The following ADAMTS8 variants were observed in gnomAD, a reference collection of about 807,000 sequenced individuals.
ADAMTS8 encodes the protein ADAM metallopeptidase with thrombospondin type 1 motif 8, also known as A disintegrin and metalloproteinase with thrombospondin motifs 8.
In ADAMTS8, 50 loss-of-function variants were observed where a neutral mutation model predicts 64.4. The ratio of observed to expected loss-of-function variants is 0.78; its 90% CI spans 0.62 to 0.98. The LOEUF (loss-of-function observed/expected upper bound fraction) is 0.98, where lower values mean the gene tolerates loss of function less well. Ranked by LOEUF, ADAMTS8 falls within the 50% of genes least tolerant of loss-of-function variation. The pLI, the probability that ADAMTS8 is intolerant of heterozygous loss-of-function variation, is 0.00. For missense variants in ADAMTS8, 1,192 were observed against 1,208.2 expected, an observed-to-expected ratio of 0.99 and a Z score of 0.20; for synonymous variants, 556 against 533.6, an observed-to-expected ratio of 1.04 and a Z score of -0.58.
chr11:130,414,770 T>C lies in ADAMTS8; in HGVS notation c.1327A>G (p.Met443Val). ...LPLPTGLPGRMALYQLDQQCR... is the reference protein window; with the variant it reads ...LPLPTGLPGRVALYQLDQQCR... ...TGCTGGTCCAGCTGGTACAGGGCCA[T>C]GCGGCCCGGGAGGCCTGTGGGGAGG... Residue 443 changes from methionine to valine, a missense_variant, in exon 5 of 9, where the codon ATG becomes GTG. Transcript: ENST00000257359. The C allele has an allele frequency of 1.9e-6, 3 of 1,613,326 alleles. No homozygotes were observed. Among genetic ancestry groups the C allele is most frequent in the Non-Finnish European group, 1.7e-6 (2 of 1,179,982 alleles).
chr11:130,424,852 G>T (rs551096881), intron 1 of ADAMTS8, among the ~76,000 whole-genome samples: 1 of 152,074 alleles, frequency 6.6e-6, no homozygotes, highest in Non-Finnish European at 1.5e-5. Flanking sequence ...TCCCCCACCC[G>T]CCACGGTGGC....
chr11:130,413,117 C>T (rs1191908680), intron 5 of ADAMTS8, among the ~76,000 whole-genome samples: 7 of 152,076 alleles, frequency 4.6e-5, no homozygotes, highest in South Asian at 4.1e-4. Flanking sequence ...GTGATCCACC[C>T]GCCTCGGCCT....
intron 2 of ADAMTS8, among the ~76,000 whole-genome samples, chr11:130,418,228 A>G (rs1862053337): frequency 7.1e-6 from 1 of 141,764 alleles, no homozygotes; most frequent in African/African-American, 3.1e-5. Context: ...TAAAATACAA[A>G]GGCTATCAAG....
chr11:130,417,158 C>A (rs1408464366), intron 2 of ADAMTS8, 83 bp from the exon 3 acceptor site: 4 of 1,576,636 alleles, frequency 2.5e-6, no homozygotes, highest in Non-Finnish European at 3.5e-6. Context: ...GTGTGGCCAG[C>A]GTGCACGTGG....
In ADAMTS8 at chr11:130,414,759, G is replaced by A. The variant is rs772064060; in HGVS notation, c.1338C>T (p.Tyr446=). ...PTGLPGRMAL[Y]QLDQQCRQIF... is the part of the protein sequence containing the mutation. ...TCTGCCTGCACTGCTGGTCCAGCTGGTACAGGGCCATGCGGCCCGGGAGGC... is the reference window on the plus strand; with the variant it reads ...TCTGCCTGCACTGCTGGTCCAGCTGATACAGGGCCATGCGGCCCGGGAGGC... The change falls in exon 5 of 9, where the codon TAC becomes TAT. Residue 446 remains tyrosine, a synonymous_variant. Transcript: ENST00000257359. 3 of 1,613,506 alleles carry A rather than the reference G, an allele frequency of 1.9e-6. No homozygotes were observed. The highest frequency in any genetic ancestry group is 1.7e-6 in the Non-Finnish European group (2 of 1,180,022).
At chr11:130,422,207 A>G (rs555467832) in intron 1 of ADAMTS8, among the ~76,000 whole-genome samples, 2 of 152,280 alleles carry the variant, frequency 1.3e-5, no homozygotes, top group East Asian at 1.9e-4. Context: ...TGGAAGGCCA[A>G]GGTGGGAGAA....
chr11:130,415,311 A>G (rs1035245066), intron 4 of ADAMTS8, among the ~76,000 whole-genome samples: 1 of 150,140 alleles, frequency 6.7e-6, no homozygotes, highest in African/African-American at 2.4e-5. Context: ...CTGAGAAGCA[A>G]TTTTTTTTTT....
At position 130,414,800 on chromosome 11, in the gene ADAMTS8, G is replaced by T; in HGVS notation, c.1297C>A (p.Leu433Met). ...CCCGGGAGGCCTGTGGGGAGGGGCA[G>T]GGCCGCAGCAGGGGCATCCAGGAGA... ...DCLLDAPAAA[L>M]PLPTGLPGRM... Residue 433 changes from leucine to methionine, a missense_variant, in exon 5 of 9, where the codon CTG becomes ATG. Around this residue, in one of 5 missense-constraint regions of ADAMTS8, gnomAD observed 741 missense variants for 710.6 expected, o/e 1.04. Coordinates refer to ENST00000257359, the MANE Select transcript of ADAMTS8 (RefSeq NM_007037.6). The T allele has an allele frequency of 6.2e-7, 1 of 1,611,710 alleles. No individual in the cohort carries two copies. The highest frequency in any genetic ancestry group is 8.5e-7 in the Non-Finnish European group (1 of 1,178,946).
chr11:130,423,807 C>T (rs1862129786), intron 1 of ADAMTS8, among the ~76,000 whole-genome samples: 1 of 152,188 alleles, frequency 6.6e-6, no homozygotes, highest in South Asian at 2.1e-4. Flanking sequence ...CGGGTTCACA[C>T]AGGGGACACT....
rs1862201543 is a variant in ADAMTS8, at chr11:130,428,065, GA to G, written c.221del (p.Phe74SerfsTer2). On this transcript the variant is annotated frameshift_variant, in exon 1 of 9. Coordinates refer to ENST00000257359, the MANE Select transcript of ADAMTS8 (RefSeq NM_007037.6). LOFTEE classifies it high-confidence loss of function. ...FVLRLAPDDS[F>X]LAPEFKIERL... ...GCTCGATCTTGAACTCGGGCGCTAG[GA>G]AGCTGTCGTCGGGCGCCAGGCGCAG... 6.5e-7 allele frequency: 1 copy of G among 1,535,460 alleles called. No homozygotes were observed. Among genetic ancestry groups the G allele is most frequent in the Admixed American group, 1.9e-5 (1 of 52,156 alleles).
chr11:130,417,549 G>A (rs1862043465), intron 2 of ADAMTS8, among the ~76,000 whole-genome samples: 1 of 151,970 alleles, frequency 6.6e-6, no homozygotes, highest in African/African-American at 2.4e-5. Flanking sequence ...GAGCCACCGT[G>A]CCCGGCCTAA....
intron 6 of ADAMTS8, among the ~76,000 whole-genome samples, chr11:130,410,262 T>C (rs940493153): frequency 1.2e-4 from 18 of 152,342 alleles, no homozygotes; most frequent in African/African-American, 3.8e-4. Context: ...GGGTCTCTAA[T>C]TGGACTACAA....
chr11:130,411,859 T>G lies in ADAMTS8; in HGVS notation c.1567-259A>C. 1 of 485,296 alleles carries G rather than the reference T, an allele frequency of 2.1e-6. No homozygotes were observed. The highest frequency in any genetic ancestry group is 3.7e-6 in the Non-Finnish European group (1 of 273,512). The allele number at this position is 485,296 out of a possible 1,614,324, so 30.1% of individuals were successfully genotyped here. A position where few individuals can be genotyped will look rare whatever the true frequency, so the allele number is the denominator to read the frequency against. On this transcript the variant is annotated intron_variant, in intron 5 of 8. Transcript: ENST00000257359. This position sits in a 1 kb window ranked among gnomAD's most constrained non-coding sequence, Gnocchi z 4.2. ...GCCTTATGCTTAGTAAGGTGCTCAA[T>G]AGGCTATCTGCTGAATGAATGAATG... is the stretch of plus-strand genomic sequence containing the variant.
chr11:130,411,554 C>T lies in ADAMTS8; in HGVS notation c.1613G>A (p.Cys538Tyr), dbSNP rs1861953301. Residue 538 changes from cysteine (C) to tyrosine (Y), a missense_variant, in exon 6 of 9, where the codon TGT (cysteine) becomes TAT (tyrosine). Transcript: ENST00000257359. This position sits in a 1 kb window ranked among gnomAD's most constrained non-coding sequence, Gnocchi z 4.2. The part of the protein sequence containing the change: ...GWAPWGPWGE[C>Y]SRTCGGGVQF... ...TACTCCTCCTCCACAGGTCCGAGAA[C>T]ATTCTCCCCAGGGTCCCCACGGTGC... is the stretch of plus-strand genomic sequence containing the variant. The T allele has an allele frequency of 1.2e-6, 2 of 1,614,088 alleles. No individual in the cohort carries two copies. The highest frequency in any genetic ancestry group is 1.7e-6 in the Non-Finnish European group (2 of 1,180,046).
At chr11:130,406,174 C>T (rs540967526) in intron 8 of ADAMTS8, 46 bp from the exon 9 acceptor site, 2 of 1,564,858 alleles carry the variant, frequency 1.3e-6, no homozygotes, top group Middle Eastern at 1.7e-4. Flanking sequence ...GGCTGCCCAG[C>T]CCAGGTCACG....
chr11:130,408,663 AG>A, intron 7 of ADAMTS8, 24 bp from the exon 8 acceptor site: 2 of 1,613,328 alleles, frequency 1.2e-6, no homozygotes, highest in South Asian at 2.2e-5. Context: ...AGGGAAGGTG[AG>A]GGAGGGCGTG....
At position 130,412,011 on chromosome 11, in the gene ADAMTS8, G is replaced by C. The variant is rs200687451; in HGVS notation, c.1567-411C>G. On this transcript the variant is annotated intron_variant, in intron 5 of 8. Coordinates refer to ENST00000257359, the MANE Select transcript of ADAMTS8 (RefSeq NM_007037.6). The stretch of plus-strand genomic sequence containing the variant: ...GTGGCTACAGCTGTGGAGGGTGTAC[G>C]TGACCACATCTAGTGGGTAGAGGCC... 1.4e-5 allele frequency: 3 copies of C among 207,058 alleles called. No individual in the cohort carries two copies. The East Asian group carries it at 3.6e-4, about 25-fold the overall frequency. The allele number at this position is 207,058 out of a possible 1,614,324, so 12.8% of individuals were successfully genotyped here.
chr11:130,418,199 TTAAAAACCAAAAA>T (rs1862052908), intron 2 of ADAMTS8, among the ~76,000 whole-genome samples: 1 of 141,392 alleles, frequency 7.1e-6, no homozygotes, highest in African/African-American at 3.2e-5. Context: ...CAAAACAAAA[TTAAAAACCAAAAA>T]GAATATAAAA....
Position 130,405,133 on chromosome 11 carries a change from C to G in ADAMTS8, c.*425G>C. 1 of 995,026 alleles carries G rather than the reference C, an allele frequency of 1.0e-6. No homozygotes were observed. The highest frequency in any genetic ancestry group is 1.2e-6 in the Non-Finnish European group (1 of 836,142). The allele number at this position is 995,026 out of a possible 1,614,324, so 61.6% of individuals were successfully genotyped here. Reference sequence around the variant, plus strand: ...CTTTGGAGCCTGCTTTGACATTCACCATTGACTCCCTGCCCCACGCCTCTC... The same window carrying G: ...CTTTGGAGCCTGCTTTGACATTCACGATTGACTCCCTGCCCCACGCCTCTC... On this transcript the variant is annotated 3_prime_UTR_variant, in exon 9 of 9. Transcript: ENST00000257359.
Sources: allele counts gnomAD v4.1 joint callset (sites outside exome capture counted in the v4.1 genomes callset), GRCh38; gene constraint gnomAD v4.1.1; regional missense constraint gnomAD v4.1.1; non-coding constraint Gnocchi (gnomAD v3.1); transcripts MANE v1.5; gene names NCBI Gene and HGNC (gene_info 2026-07-23, HGNC 2026-07-21).